ARHGAP42: variants seen among roughly 807,000 people sequenced by gnomAD.
ARHGAP42 encodes Rho GTPase activating protein 42.
Under a neutral mutation model 125.0 loss-of-function variants are expected in ARHGAP42, and 63 were observed. The observed-to-expected ratio is 0.50, with a 90% CI of 0.41 to 0.62. ARHGAP42 has a LOEUF of 0.62. ARHGAP42 is among the 20% of genes least tolerant of loss of function. ARHGAP42 has a pLI of 0.00. For synonymous variants in ARHGAP42, 339 were observed against 351.0 expected, an observed-to-expected ratio of 0.97 and a Z score of 0.38; for missense variants, 766 against 1,024.2, an observed-to-expected ratio of 0.75 and a Z score of 3.44.
intron 12 of ARHGAP42, among the ~76,000 whole-genome samples, chr11:100,952,576 A>G (rs602385): frequency 0.88 from 134,094 of 152,016 alleles, 59,240 homozygotes; most frequent in East Asian, 1. Flanking sequence ...GCTCACCCAA[A>G]CAGAATCACT....
chr11:100,775,618 G>A (rs1247304205), intron 2 of ARHGAP42, among the ~76,000 whole-genome samples: 2 of 152,100 alleles, frequency 1.3e-5, no homozygotes, highest in East Asian at 1.9e-4. Flanking sequence ...TAGTTCAAAC[G>A]GCTGGATGTC....
intron 2 of ARHGAP42, among the ~76,000 whole-genome samples, chr11:100,790,820 A>G (rs1251188135): frequency 6.6e-6 from 1 of 152,244 alleles, no homozygotes; most frequent in Non-Finnish European, 1.5e-5. Flanking sequence ...CTGTAATTTT[A>G]GGACCAGCTG....
At chr11:100,824,197 G>A (rs933369149) in intron 3 of ARHGAP42, among the ~76,000 whole-genome samples, 2 of 152,206 alleles carry the variant, frequency 1.3e-5, no homozygotes, top group African/African-American at 4.8e-5. Flanking sequence ...GAATGTTTGT[G>A]AGAAGGTTCC....
chr11:100,704,590 G>A (rs556598764), intron 1 of ARHGAP42, among the ~76,000 whole-genome samples: 17 of 152,132 alleles, frequency 1.1e-4, no homozygotes, highest in Non-Finnish European at 1.9e-4. Context: ...GTGATGTTTT[G>A]TGATATCCAC....
intron 3 of ARHGAP42, among the ~76,000 whole-genome samples, chr11:100,824,172 G>C (rs1266529976): frequency 6.6e-6 from 1 of 152,168 alleles, no homozygotes. Context: ...GTAGCCTCTG[G>C]AAGTGAAACT....
In ARHGAP42 at chr11:100,717,568, T is replaced by G. The variant is rs1196378571; in HGVS notation, c.154+29736T>G. ...AGGAGAATGGCATGAACCCGGGAGG[T>G]GGAGCTGGTAGTGAGCCGAGATTGT... is the stretch of plus-strand genomic sequence containing the variant. On this transcript the variant is annotated intron_variant, in intron 1 of 23. Coordinates refer to ENST00000298815, the MANE Select transcript of ARHGAP42 (RefSeq NM_152432.4). Among the ~76,000 whole-genome samples the G allele has an allele frequency of 5.3e-4, 57 of 106,930 alleles. 1 individual carries two copies. Among genetic ancestry groups the G allele is most frequent in the African/African-American group, 2.0e-3 (54 of 27,114 alleles). 70.2% of individuals were successfully genotyped at this position (106,930 alleles called of 152,430 possible).
At chr11:100,878,127 T>A (rs1865868759) in intron 4 of ARHGAP42, among the ~76,000 whole-genome samples, 1 of 151,944 alleles carries the variant, frequency 6.6e-6, no homozygotes, top group Non-Finnish European at 1.5e-5. Context: ...ATTCCTTCTA[T>A]TTCTTTTTTT....
At chr11:100,768,012 A>G (rs915781867) in intron 1 of ARHGAP42, among the ~76,000 whole-genome samples, 1 of 152,178 alleles carries the variant, frequency 6.6e-6, no homozygotes, top group Non-Finnish European at 1.5e-5. Flanking sequence ...TTGGAGACCT[A>G]TTCAATCTTG....
intron 1 of ARHGAP42, among the ~76,000 whole-genome samples, chr11:100,763,614 A>C (rs1050465139): frequency 4.6e-5 from 7 of 152,060 alleles, no homozygotes; most frequent in Admixed American, 4.6e-4. Flanking sequence ...CAGCCTCCCA[A>C]GTAGCTGGGA....
At chr11:100,871,495 G>A (rs1865694286) in intron 4 of ARHGAP42, among the ~76,000 whole-genome samples, 1 of 147,376 alleles carries the variant, frequency 6.8e-6, no homozygotes, top group Non-Finnish European at 1.5e-5. Flanking sequence ...GCAGTGAGCC[G>A]AGATTGCGCC....
In ARHGAP42 at chr11:100,943,813, C is replaced by T; in HGVS notation, c.988C>T (p.Arg330Ter). ...GTTTAAATTAAAATCTTGTATCCGA[C>T]GAAAGACAGATTCAATTGACAAACG... ...EMFKLKSCIR[R>*]KTDSIDKRFC... The change falls in exon 10 of 24, where the codon CGA becomes TGA. Residue 330 changes from arginine to a stop codon, truncating the protein, a stop_gained. Coordinates refer to ENST00000298815, the MANE Select transcript of ARHGAP42 (RefSeq NM_152432.4). LOFTEE classifies it high-confidence loss of function. 1 of 1,549,526 alleles carries T rather than the reference C, an allele frequency of 6.5e-7. No homozygotes were observed. The highest frequency in any genetic ancestry group is 8.7e-7 in the Non-Finnish European group (1 of 1,145,750).
At chr11:100,929,856 T>G (rs1487036033) in intron 6 of ARHGAP42, among the ~76,000 whole-genome samples, 1 of 152,222 alleles carries the variant, frequency 6.6e-6, no homozygotes, top group Non-Finnish European at 1.5e-5. Flanking sequence ...TCTGTGAGTT[T>G]TCTTTCAATT....
rs184378088 is a variant in ARHGAP42, at chr11:100,899,248, T to G, written c.385-14204T>G. ...CTGTTCTTTTACATTTGCTGAGGAG[T>G]GCTTTACTTCCAACTATGTGGTCAA... On this transcript the variant is annotated intron_variant, in intron 4 of 23. Transcript: ENST00000298815. 3.9e-3 allele frequency among the ~76,000 whole-genome samples: 591 copies of G among 152,224 alleles called. 2 individuals are homozygous for G. The highest frequency in any genetic ancestry group is 0.014 in the African/African-American group (565 of 41,542).
chr11:100,891,289 C>T (rs1015520433), intron 4 of ARHGAP42, among the ~76,000 whole-genome samples: 40 of 152,310 alleles, frequency 2.6e-4, no homozygotes, highest in African/African-American at 8.9e-4. Context: ...TCCCTCCTCC[C>T]TCTTCGGTTG....
chr11:100,883,581 G>A (rs1351140805), intron 4 of ARHGAP42, among the ~76,000 whole-genome samples: 1 of 152,108 alleles, frequency 6.6e-6, no homozygotes, highest in East Asian at 1.9e-4. Flanking sequence ...GACCTCCAGT[G>A]ATCCACCTGC....
intron 10 of ARHGAP42, among the ~76,000 whole-genome samples, chr11:100,946,403 CTGAT>C (rs1868018687): frequency 6.6e-6 from 1 of 152,040 alleles, no homozygotes; most frequent in Non-Finnish European, 1.5e-5. Flanking sequence ...GCTTGGCTAA[CTGAT>C]TGGCACAAGA....
intron 1 of ARHGAP42, among the ~76,000 whole-genome samples, chr11:100,689,362 G>C (rs1455636843): frequency 6.6e-6 from 1 of 152,192 alleles, no homozygotes; most frequent in Non-Finnish European, 1.5e-5. Context: ...TTCAAAAAGA[G>C]CTGCATCTCA....
chr11:100,868,845 A>T (rs1865636049), intron 4 of ARHGAP42, among the ~76,000 whole-genome samples: 1 of 152,168 alleles, frequency 6.6e-6, no homozygotes. Flanking sequence ...CTACCTTCAT[A>T]GGATTGAAAT....
At chr11:100,861,708 C>G (rs1565246905) in intron 4 of ARHGAP42, among the ~76,000 whole-genome samples, 1 of 152,120 alleles carries the variant, frequency 6.6e-6, no homozygotes. Flanking sequence ...CTGATATAGG[C>G]CACATTTATG....
Sources: gnomAD v4.1 joint callset for allele counts (sites outside exome capture counted in the v4.1 genomes callset) on GRCh38, gnomAD v4.1.1 for gene constraint, MANE v1.5 for transcripts, NCBI Gene and HGNC (gene_info 2026-07-23, HGNC 2026-07-21) for gene names.